Variants in GPATCH2 observed in about 807,000 individuals in gnomAD.
The protein encoded by GPATCH2 is G-patch domain containing 2.
In GPATCH2, 51 loss-of-function variants were observed where a neutral mutation model predicts 58.0. The ratio of observed to expected loss-of-function variants is 0.88; its 90% CI spans 0.70 to 1.11. GPATCH2 has a LOEUF of 1.11. GPATCH2 is among the 50% of genes most tolerant of loss of function. The pLI is 0.00. For synonymous variants in GPATCH2, 222 were observed against 218.5 expected (o/e 1.02, Z -0.14); for missense variants, 625 against 652.2 (o/e 0.96, Z 0.45).
intron 5 of GPATCH2, among the ~76,000 whole-genome samples, chr1:217,601,135 C>T (rs1225502404): frequency 4.6e-5 from 7 of 151,948 alleles, no homozygotes; most frequent in Admixed American, 4.6e-4. Context: ...GCCATGAAAG[C>T]AGAAGAGTAA....
At chr1:217,484,233 G>GT (rs1333431327) in intron 8 of GPATCH2, among the ~76,000 whole-genome samples, 8 of 151,996 alleles carry the variant, frequency 5.3e-5, no homozygotes, top group Non-Finnish European at 8.8e-5. Flanking sequence ...CTAATCAATT[G>GT]TTTTTTAGAA....
rs190092815 is a variant in GPATCH2, at chr1:217,572,013, G to A, written c.1098+38308C>T. ...GGAAGGAAGGAAAGAAGGAAGGAAG[G>A]AAGGAAGGAAGGGAGGTAGGGAGGG... On this transcript the variant is annotated intron_variant, in intron 5 of 9. Transcript: ENST00000366935. Among the ~76,000 whole-genome samples the A allele has an allele frequency of 5.0e-3, 682 of 135,854 alleles. 7 individuals carry two copies. Among genetic ancestry groups the A allele is most frequent in the African/African-American group, 0.017 (643 of 37,788 alleles). 89.1% of individuals were successfully genotyped at this position (135,854 alleles called of 152,430 possible). A position where few individuals can be genotyped will look rare whatever the true frequency, so the allele number is the denominator to read the frequency against.
At chr1:217,518,405 T>C (rs1663282911) in intron 5 of GPATCH2, among the ~76,000 whole-genome samples, 1 of 152,208 alleles carries the variant, frequency 6.6e-6, no homozygotes, top group Non-Finnish European at 1.5e-5. Context: ...TTATAAGACA[T>C]ATTAAAAGCA....
At chr1:217,530,773 T>C (rs972755175) in intron 5 of GPATCH2, among the ~76,000 whole-genome samples, 1 of 152,214 alleles carries the variant, frequency 6.6e-6, no homozygotes, top group Non-Finnish European at 1.5e-5. Context: ...TAAAACTTAA[T>C]TCAATAATTT....
intron 8 of GPATCH2, among the ~76,000 whole-genome samples, chr1:217,480,292 GA>G (rs560432330): frequency 7.4e-5 from 11 of 148,770 alleles, no homozygotes; most frequent in East Asian, 5.9e-4. Flanking sequence ...AACTCTACAG[GA>G]AAAAAAAAAT....
intron 8 of GPATCH2, among the ~76,000 whole-genome samples, chr1:217,479,119 C>A (rs562762154): frequency 6.6e-6 from 1 of 152,172 alleles, no homozygotes; most frequent in Admixed American, 6.5e-5. Context: ...ACACATCCTA[C>A]AAGAAATTCT....
intron 1 of GPATCH2, among the ~76,000 whole-genome samples, chr1:217,620,821 T>C (rs1669151085): frequency 6.6e-6 from 1 of 152,206 alleles, no homozygotes; most frequent in African/African-American, 2.4e-5. Flanking sequence ...GGCCCACTCC[T>C]ACCCCTTTTC....
chr1:217,555,976 G>T (rs1458929909), intron 5 of GPATCH2, among the ~76,000 whole-genome samples: 3 of 152,142 alleles, frequency 2.0e-5, no homozygotes, highest in Admixed American at 2.0e-4. Context: ...GAACAAAATA[G>T]TCAACTTATA....
At chr1:217,561,301 T>C (rs1007800963) in intron 5 of GPATCH2, among the ~76,000 whole-genome samples, 1 of 152,190 alleles carries the variant, frequency 6.6e-6, no homozygotes, top group African/African-American at 2.4e-5. Context: ...TAAACACCAT[T>C]GCTTTGCTGA....
At chr1:217,630,864 G>A (rs1669720959) in intron 1 of GPATCH2, 52 bp downstream of exon 1, 2 of 1,364,056 alleles carry the variant, frequency 1.5e-6, no homozygotes, top group Non-Finnish European at 2.0e-6. Context: ...GAGCGGCCTC[G>A]GGCAATCACA....
At chr1:217,625,997 G>A (rs547958256) in intron 1 of GPATCH2, among the ~76,000 whole-genome samples, 158 of 152,034 alleles carry the variant, frequency 1.0e-3, no homozygotes, top group African/African-American at 3.6e-3. Flanking sequence ...AAAACCTTCC[G>A]GATAGAACTC....
At position 217,603,340 on chromosome 1, in the gene GPATCH2, C is replaced by T. The variant is rs1668197533; in HGVS notation, c.1098+6981G>A. Among the ~76,000 whole-genome samples, 4 of 152,044 alleles carry T rather than the reference C, an allele frequency of 2.6e-5. No individual in the cohort carries two copies. The South Asian group carries it at 8.3e-4, about 32-fold the overall frequency. ...TGAACACCTGTTTATATAGTTTTTC[C>T]TAAAGGGTTTTCAAGACTAAATATG... On this transcript the variant is annotated intron_variant, in intron 5 of 9. Transcript: ENST00000366935.
intron 5 of GPATCH2, among the ~76,000 whole-genome samples, chr1:217,572,185 G>A (rs1437903634): frequency 1.3e-5 from 2 of 152,122 alleles, no homozygotes; most frequent in African/African-American, 4.8e-5. Context: ...AAAGACTGAG[G>A]CTTAGAGAGG....
chr1:217,520,940 G>A (rs565854344), intron 5 of GPATCH2, among the ~76,000 whole-genome samples: 13 of 152,218 alleles, frequency 8.5e-5, no homozygotes, highest in Non-Finnish European at 4.4e-5. Flanking sequence ...AAACTCCTGG[G>A]CTCAAGCAAT....
chr1:217,585,627 A>AT (rs1402647034), intron 5 of GPATCH2, among the ~76,000 whole-genome samples: 14 of 152,316 alleles, frequency 9.2e-5, no homozygotes, highest in Admixed American at 1.3e-4. Context: ...TCAAAAAATA[A>AT]TAACAATATA....
In GPATCH2 at chr1:217,498,359, G is replaced by T. The variant is rs747978396; in HGVS notation, c.1203C>A (p.Asp401Glu). 46 of 1,611,526 alleles carry T rather than the reference G, an allele frequency of 2.9e-5. No individual in the cohort carries two copies. Among genetic ancestry groups the T allele is most frequent in the African/African-American group, 6.7e-5 (5 of 74,890 alleles). ...TTTGGATTACAATGGTCCTTACCTG[G>T]TCATGCTCTGTCCTAGCCCCAGGGC... is the stretch of plus-strand genomic sequence containing the variant. ...WFSPGARTEHDQHQLLRDNRA... is the reference protein window; with the variant it reads ...WFSPGARTEHEQHQLLRDNRA... The change falls in exon 7 of 10, where the codon GAC (aspartate) becomes GAA (glutamate). Residue 401 changes from aspartate (D) to glutamate (E), a missense_variant. Transcript: ENST00000366935.
chr1:217,576,058 A>G (rs766444783), intron 5 of GPATCH2, among the ~76,000 whole-genome samples: 1 of 152,156 alleles, frequency 6.6e-6, no homozygotes, highest in African/African-American at 2.4e-5. Flanking sequence ...CAAAAGGCAT[A>G]TATTAAAACA....
rs1483966674 is a variant in GPATCH2 at position 217,597,407 on chromosome 1, C to T, written c.1098+12914G>A. Among the ~76,000 whole-genome samples, 3 of 151,706 alleles carry T rather than the reference C, an allele frequency of 2.0e-5. No homozygotes were observed. The East Asian group carries it at 5.8e-4, about 29-fold the overall frequency. On this transcript the variant is annotated intron_variant, in intron 5 of 9. Transcript: ENST00000366935. Reference sequence around the variant, plus strand: ...ATCAAACGGATGCGAGGCTGACCGCCCAGCTTCTTCTATATGCAACAGGGT... The same window carrying T: ...ATCAAACGGATGCGAGGCTGACCGCTCAGCTTCTTCTATATGCAACAGGGT...
chr1:217,573,517 C>A (rs575652028), intron 5 of GPATCH2, among the ~76,000 whole-genome samples: 1 of 152,122 alleles, frequency 6.6e-6, no homozygotes, highest in East Asian at 1.9e-4. Flanking sequence ...TGATAAGTAT[C>A]TGAACCATTT....
Sources: allele counts gnomAD v4.1 joint callset (sites outside exome capture counted in the v4.1 genomes callset), GRCh38; gene constraint gnomAD v4.1.1; transcripts MANE v1.5; gene names NCBI Gene and HGNC (gene_info 2026-07-23, HGNC 2026-07-21).